The following CLIP4 variants were observed in gnomAD, a reference collection of about 807,000 sequenced individuals.
CLIP4 encodes CAP-Gly domain-containing linker protein 4.
CLIP4 carries 47 observed loss-of-function variants against 73.1 expected under a neutral mutation model. The ratio of observed to expected loss-of-function variants is 0.64; its 90% CI spans 0.51 to 0.82. The LOEUF is 0.82. Ranked by LOEUF, CLIP4 falls within the 40% of genes least tolerant of loss-of-function variation. The probability of loss-of-function intolerance (pLI) is 0.00; values close to 1 mark genes in which losing one functional copy is unlikely to be tolerated. For missense variants in CLIP4, 874 were observed against 852.9 expected (o/e 1.02, Z -0.31); for synonymous variants, 306 against 295.4 (o/e 1.04, Z -0.37).
At chr2:29,137,599 T>C (rs146800046) in intron 6 of CLIP4, among the ~76,000 whole-genome samples, 1 of 152,228 alleles carries the variant, frequency 6.6e-6, no homozygotes, top group African/African-American at 2.4e-5. Flanking sequence ...ATCTCCACAT[T>C]GCTTTCCACA....
chr2:29,102,419 C>T (rs1339634849), intron 1 of CLIP4, among the ~76,000 whole-genome samples: 3 of 152,136 alleles, frequency 2.0e-5, no homozygotes, highest in African/African-American at 7.2e-5. Context: ...CGCCCCTTCT[C>T]TGTTGTTTCT....
chr2:29,150,127 T>A (rs953675692), intron 8 of CLIP4, among the ~76,000 whole-genome samples: 2 of 152,182 alleles, frequency 1.3e-5, no homozygotes, highest in African/African-American at 4.8e-5. Context: ...ACATGCTACA[T>A]CCTAGGCAAT....
chr2:29,123,585 C>G (rs1327099951), intron 2 of CLIP4, among the ~76,000 whole-genome samples: 5 of 152,052 alleles, frequency 3.3e-5, no homozygotes, highest in Non-Finnish European at 7.4e-5. Flanking sequence ...AGAAGTGTTC[C>G]AGGAAGGAAA....
intron 2 of CLIP4, among the ~76,000 whole-genome samples, chr2:29,126,797 A>C (rs903813750): frequency 2.6e-5 from 4 of 152,224 alleles, no homozygotes; most frequent in Non-Finnish European, 4.4e-5. Context: ...GATTTGTCTA[A>C]AGTTTACATC....
intron 1 of CLIP4, among the ~76,000 whole-genome samples, chr2:29,119,783 C>T (rs1373967417): frequency 6.6e-6 from 1 of 152,194 alleles, no homozygotes; most frequent in African/African-American, 2.4e-5. Context: ...ATTCAAGACT[C>T]ATCACAGATG....
At chr2:29,137,450 G>A (rs1260111541) in intron 6 of CLIP4, among the ~76,000 whole-genome samples, 1 of 152,108 alleles carries the variant, frequency 6.6e-6, no homozygotes, top group African/African-American at 2.4e-5. Flanking sequence ...TTGATTCCAT[G>A]GCTTTGCTAT....
chr2:29,127,423 G>T (rs1475183735), intron 2 of CLIP4, among the ~76,000 whole-genome samples: 2 of 152,054 alleles, frequency 1.3e-5, no homozygotes, highest in African/African-American at 2.4e-5. Context: ...AGGGAGAAAA[G>T]AAAATGTGTT....
intron 15 of CLIP4, 77 bp from the exon 16 acceptor site, chr2:29,181,495 A>G (rs536017501): frequency 3.6e-5 from 41 of 1,137,814 alleles, no homozygotes; most frequent in East Asian, 3.1e-4. Flanking sequence ...TGAATCTGGC[A>G]GTGGAAATGA....
chr2:29,181,702 G>A lies in CLIP4; in HGVS notation c.1927G>A (p.Val643Met), dbSNP rs200283785. The change falls in exon 16 of 16, where the codon GTG (valine) becomes ATG (methionine). Residue 643 changes from valine (V) to methionine (M), a missense_variant. Val to Met is a conservative substitution (Grantham distance 21). Coordinates refer to ENST00000320081, the MANE Select transcript of CLIP4 (RefSeq NM_024692.6). Reference sequence around the variant, plus strand: ...CAATGAGATGGGTACTGTTAGGTATGTGGGCCCCACTGACTTTGCTTCAGG... The same window carrying A: ...CAATGAGATGGGTACTGTTAGGTATATGGGCCCCACTGACTTTGCTTCAGG... ...SSNEMGTVRYVGPTDFASGIW... is the reference protein window; with the variant it reads ...SSNEMGTVRYMGPTDFASGIW... 11 of 1,614,082 alleles carry A rather than the reference G, an allele frequency of 6.8e-6. No individual in the cohort carries two copies.
At chr2:29,175,308 T>A (rs1312957139) in intron 15 of CLIP4, 1 of 152,234 alleles carries the variant, frequency 6.6e-6, no homozygotes, top group Admixed American at 6.5e-5. Flanking sequence ...TGGGTGGGGC[T>A]GTTTTTCTCC....
intron 8 of CLIP4, among the ~76,000 whole-genome samples, chr2:29,148,705 C>T (rs1666341137): frequency 6.6e-6 from 1 of 152,102 alleles, no homozygotes; most frequent in African/African-American, 2.4e-5. Flanking sequence ...TTTTCCAGTT[C>T]AAGACATCTA....
chr2:29,146,570 A>G (rs1320689130), intron 8 of CLIP4, among the ~76,000 whole-genome samples: 1 of 152,152 alleles, frequency 6.6e-6, no homozygotes, highest in Non-Finnish European at 1.5e-5. Flanking sequence ...GTCACTTACT[A>G]TGTTGTGAAT....
At chr2:29,164,069 C>A in intron 13 of CLIP4, 115 bp downstream of exon 13, 2 of 925,838 alleles carry the variant, frequency 2.2e-6, no homozygotes, top group Non-Finnish European at 3.2e-6. Flanking sequence ...TGTCTTCTTT[C>A]AAGGGGTTAA....
intron 2 of CLIP4, among the ~76,000 whole-genome samples, chr2:29,126,635 A>G (rs1371141984): frequency 6.6e-6 from 1 of 152,222 alleles, no homozygotes; most frequent in Non-Finnish European, 1.5e-5. Flanking sequence ...GAGCATCTTG[A>G]GATGCTGAAA....
At chr2:29,177,149 C>G (rs1037120108) in intron 15 of CLIP4, among the ~76,000 whole-genome samples, 2 of 152,104 alleles carry the variant, frequency 1.3e-5, no homozygotes, top group African/African-American at 4.8e-5. Context: ...TGGCTCATGC[C>G]TATAATCTCA....
At chr2:29,124,004 T>G (rs1209678923) in intron 2 of CLIP4, among the ~76,000 whole-genome samples, 3 of 152,184 alleles carry the variant, frequency 2.0e-5, no homozygotes, top group Non-Finnish European at 4.4e-5. Flanking sequence ...TTATTATATA[T>G]TTTGCTTAAA....
intron 9 of CLIP4, among the ~76,000 whole-genome samples, chr2:29,154,178 C>T (rs3112918): frequency 0.42 from 63,931 of 151,912 alleles, 15,155 homozygotes; most frequent in Non-Finnish European, 0.55. Flanking sequence ...TTTTTGGTGG[C>T]ATTATAAGTA....
intron 12 of CLIP4, 59 bp from the exon 13 acceptor site, chr2:29,163,772 T>G: frequency 6.5e-7 from 1 of 1,528,016 alleles, no homozygotes; most frequent in South Asian, 1.3e-5. Context: ...TTTTGTATAG[T>G]AGCATAAGAG....
upstream of CLIP4, among the ~76,000 whole-genome samples, chr2:29,110,870 G>A (rs1226810355): frequency 6.6e-6 from 1 of 152,116 alleles, no homozygotes; most frequent in African/African-American, 2.4e-5. Context: ...TGTATTTTTA[G>A]CAGAGACCAG....
Sources: gnomAD v4.1 joint callset for allele counts (sites outside exome capture counted in the v4.1 genomes callset) on GRCh38, gnomAD v4.1.1 for gene constraint, MANE v1.5 for transcripts, NCBI Gene and HGNC (gene_info 2026-07-23, HGNC 2026-07-21) for gene names.